Variants in MBD5 observed in about 807,000 individuals in gnomAD.
MBD5 encodes methyl-CpG-binding domain protein 5.
Under a neutral mutation model 117.3 loss-of-function variants are expected in MBD5, and 13 were observed. The observed-to-expected ratio is 0.11, with a 90% CI of 0.07 to 0.18. The LOEUF (loss-of-function observed/expected upper bound fraction) is 0.18, where lower values mean the gene tolerates loss of function less well. Ranked by LOEUF, MBD5 falls within the 10% of genes least tolerant of loss-of-function variation. The pLI is 1.00. For synonymous variants in MBD5, 727 were observed against 766.4 expected (o/e 0.95, Z 0.85); for missense variants, 1,879 against 2,093.8 (o/e 0.90, Z 2.00).
chr2:148,500,255 C>CTG (rs1260695565), intron 11 of MBD5, among the ~76,000 whole-genome samples: 2 of 151,162 alleles, frequency 1.3e-5, no homozygotes, highest in East Asian at 1.9e-4. Context: ...TTGAGTGTGC[C>CTG]TGTGTGTGTG....
chr2:148,416,140 T>G (rs1357892998), intron 4 of MBD5, among the ~76,000 whole-genome samples: 1 of 152,156 alleles, frequency 6.6e-6, no homozygotes. Context: ...GTTTCTTTGC[T>G]TTTATCTTCT....
chr2:148,467,087 C>T (rs1196568962), intron 7 of MBD5, among the ~76,000 whole-genome samples: 1 of 152,134 alleles, frequency 6.6e-6, no homozygotes, highest in Non-Finnish European at 1.5e-5. Context: ...TTCTCATCTC[C>T]TATGCCTGTA....
chr2:148,495,717 TTTGAC>T (rs1199131570), intron 11 of MBD5, among the ~76,000 whole-genome samples: 2 of 152,246 alleles, frequency 1.3e-5, no homozygotes, highest in African/African-American at 4.8e-5. Context: ...AAAACTGCTC[TTTGAC>T]TTTTTTCCAT....
intron 1 of MBD5, among the ~76,000 whole-genome samples, chr2:148,160,233 A>G (rs561901744): frequency 6.6e-6 from 1 of 152,310 alleles, no homozygotes; most frequent in South Asian, 2.1e-4. Flanking sequence ...CCCCGTCTCT[A>G]CTAAAAATAT....
intron 4 of MBD5, among the ~76,000 whole-genome samples, chr2:148,404,919 T>C (rs1466572378): frequency 6.6e-6 from 1 of 152,162 alleles, no homozygotes; most frequent in Non-Finnish European, 1.5e-5. Context: ...ATTTTTATTT[T>C]ATTATTGCAT....
rs371334253 is a variant in MBD5 at position 148,228,798 on chromosome 2, A to G, written c.-830-4447A>G. ...GCCTCAATTTCAGAGCCTGTTATTG[A>G]TCTATTCAGAGATTCAACTTCTTCC... On this transcript the variant is annotated intron_variant, in intron 2 of 13. Transcript: ENST00000642680. Among the ~76,000 whole-genome samples, 5 of 152,052 alleles carry G rather than the reference A, an allele frequency of 3.3e-5. No individual in the cohort carries two copies. The South Asian group carries it at 8.3e-4, about 25-fold the overall frequency.
At chr2:148,197,800 T>TG (rs1553483816) in intron 2 of MBD5, among the ~76,000 whole-genome samples, 2 of 132,946 alleles carry the variant, frequency 1.5e-5, no homozygotes, top group Non-Finnish European at 3.2e-5. Context: ...TGAGGTTTTT[T>TG]TTTTTGTTTT....
At chr2:148,325,704 C>A (rs548130066) in intron 3 of MBD5, among the ~76,000 whole-genome samples, 1 of 151,836 alleles carries the variant, frequency 6.6e-6, no homozygotes, top group Non-Finnish European at 1.5e-5. Context: ...TTTTTTATTG[C>A]GTCTACTTGA....
intron 4 of MBD5, among the ~76,000 whole-genome samples, chr2:148,420,973 C>A (rs1047801695): frequency 2.0e-5 from 3 of 152,180 alleles, no homozygotes; most frequent in Non-Finnish European, 4.4e-5. Flanking sequence ...AAGTGATCCA[C>A]CTGTCTTGGC....
At chr2:148,111,709 A>T (rs1005053705) in intron 1 of MBD5, among the ~76,000 whole-genome samples, 2 of 152,094 alleles carry the variant, frequency 1.3e-5, no homozygotes, top group African/African-American at 4.8e-5. Context: ...ACTAATTATC[A>T]AATGGTTCAG....
chr2:148,023,084 AC>A (rs1284148283), intron 1 of MBD5, among the ~76,000 whole-genome samples: 1 of 140,688 alleles, frequency 7.1e-6, no homozygotes, highest in Non-Finnish European at 1.5e-5. Context: ...TCTCCCTCAC[AC>A]CCTTTTTTTT....
chr2:148,134,427 G>T (rs949587259), intron 1 of MBD5, among the ~76,000 whole-genome samples: 1 of 152,166 alleles, frequency 6.6e-6, no homozygotes, highest in Non-Finnish European at 1.5e-5. Flanking sequence ...TATTAAAGTG[G>T]ATTATATTTC....
intron 4 of MBD5, among the ~76,000 whole-genome samples, chr2:148,448,776 T>G (rs1428859341): frequency 6.6e-6 from 1 of 152,098 alleles, no homozygotes; most frequent in African/African-American, 2.4e-5. Context: ...ACAAAATTGA[T>G]ATACATCATT....
chr2:148,380,815 T>C (rs1307388055), intron 4 of MBD5, among the ~76,000 whole-genome samples: 2 of 152,114 alleles, frequency 1.3e-5, no homozygotes, highest in Non-Finnish European at 2.9e-5. Flanking sequence ...AGTTCACCAA[T>C]ATCCACTGTT....
intron 3 of MBD5, among the ~76,000 whole-genome samples, chr2:148,278,357 T>C (rs904682554): frequency 6.6e-6 from 1 of 152,110 alleles, no homozygotes; most frequent in Non-Finnish European, 1.5e-5. Context: ...TGCAGGGTTG[T>C]ATATATATAG....
intron 7 of MBD5, among the ~76,000 whole-genome samples, chr2:148,468,046 C>T (rs1484839776): frequency 6.6e-6 from 1 of 152,090 alleles, no homozygotes; most frequent in Admixed American, 6.6e-5. Flanking sequence ...TTATGTATTG[C>T]TTTAGATGCC....
At chr2:148,102,231 A>G (rs1412717433) in intron 1 of MBD5, among the ~76,000 whole-genome samples, 1 of 152,190 alleles carries the variant, frequency 6.6e-6, no homozygotes, top group African/African-American at 2.4e-5. Context: ...AGAATCACAG[A>G]CCTGAAAACG....
intron 4 of MBD5, chr2:148,347,104 C>A (rs1703141730): frequency 6.6e-6 from 1 of 151,990 alleles, no homozygotes; most frequent in African/African-American, 2.4e-5. Flanking sequence ...TTTTGCCTAA[C>A]CCATGTTTTA....
intron 3 of MBD5, among the ~76,000 whole-genome samples, chr2:148,244,816 T>C (rs949431681): frequency 6.6e-6 from 1 of 152,074 alleles, no homozygotes; most frequent in Middle Eastern, 3.2e-3. Context: ...ACAGTGTGCT[T>C]GAGATGTAGG....
Sources: gnomAD v4.1 joint callset for allele counts (sites outside exome capture counted in the v4.1 genomes callset) on GRCh38, gnomAD v4.1.1 for gene constraint, MANE v1.5 for transcripts, NCBI Gene and HGNC (gene_info 2026-07-23, HGNC 2026-07-21) for gene names.